UQCR11: variants seen among roughly 807,000 people sequenced by gnomAD.
UQCR11 encodes the protein ubiquinol-cytochrome c reductase, complex III subunit XI, also known as cytochrome b-c1 complex subunit 10.
A neutral mutation model predicts 7.6 loss-of-function variants in UQCR11; 10 were observed. The observed-to-expected ratio is 1.31, with a 90% CI of 0.81 to 2.22. UQCR11 has a LOEUF of 2.22. UQCR11 is among the 30% of genes most tolerant of loss of function. The pLI, the probability that UQCR11 is intolerant of heterozygous loss-of-function variation, is 0.00. For missense variants in UQCR11, 86 were observed against 75.1 expected (o/e 1.15, Z -0.54); for synonymous variants, 34 against 34.9 (o/e 0.97, Z 0.09).
rs770150615 is a variant in UQCR11 at position 1,605,333 on chromosome 19, GA to G, written c.50+26del. ...GGGGCTGGGCCGAGGCGGGAGCGCG[GA>G]TGGGGCCGCGGGTCGGCGTCCTCAC... On this transcript the variant is annotated intron_variant, in intron 1 of 2. Transcript: ENST00000591899. 1.9e-6 allele frequency: 3 copies of G among 1,559,812 alleles called. No homozygotes were observed. In the East Asian group the frequency reaches 7.6e-5, roughly 39 times the overall value.
chr19:1,600,988 G>A (rs1190079976), intron 1 of UQCR11, among the ~76,000 whole-genome samples: 1 of 151,932 alleles, frequency 6.6e-6, no homozygotes, highest in African/African-American at 2.4e-5. Context: ...GGGAAACATG[G>A]TGAAACCCCA....
At chr19:1,600,224 T>C (rs1172717974) in intron 1 of UQCR11, among the ~76,000 whole-genome samples, 1 of 149,382 alleles carries the variant, frequency 6.7e-6, no homozygotes, top group Non-Finnish European at 1.5e-5. Flanking sequence ...TTTTTTTTTT[T>C]TTTTTTTTGA....
rs755134186 is a variant in UQCR11, at chr19:1,599,576, G to A, written c.51-16C>T. Reference sequence around the variant, plus strand: ...CGTCGGGACCCTGCGAGAGGAGAGGGGATGGTCAGGCCTGCTCTGGACCCT... The same window carrying A: ...CGTCGGGACCCTGCGAGAGGAGAGGAGATGGTCAGGCCTGCTCTGGACCCT... On this transcript the variant is annotated splice_polypyrimidine_tract_variant and intron_variant, in intron 1 of 2. Coordinates refer to ENST00000591899, the MANE Select transcript of UQCR11 (RefSeq NM_006830.4). The A allele has an allele frequency of 6.2e-6, 10 of 1,605,210 alleles. No individual in the cohort carries two copies. In the East Asian group the frequency reaches 1.1e-4, roughly 18 times the overall value.
chr19:1,603,204 C>A (rs1693461209), intron 1 of UQCR11, among the ~76,000 whole-genome samples: 1 of 152,196 alleles, frequency 6.6e-6, no homozygotes, highest in South Asian at 2.1e-4. Context: ...TTAGGTCAGC[C>A]CCACACCACA....
chr19:1,599,630 G>C, intron 1 of UQCR11, 70 bp from the exon 2 acceptor site: 1 of 1,581,578 alleles, frequency 6.3e-7, no homozygotes, highest in Non-Finnish European at 8.5e-7. Context: ...TGCCCACCCC[G>C]GCCCCCCGTC....
At chr19:1,601,731 C>G (rs893181720) in intron 1 of UQCR11, among the ~76,000 whole-genome samples, 1 of 152,144 alleles carries the variant, frequency 6.6e-6, no homozygotes, top group Non-Finnish European at 1.5e-5. Context: ...GGAGTTGACT[C>G]AGTGCACCCA....
chr19:1,602,559 C>T (rs1413674632), intron 1 of UQCR11: 1 of 152,104 alleles, frequency 6.6e-6, no homozygotes, highest in Non-Finnish European at 1.5e-5. Flanking sequence ...TCAAGTGATT[C>T]TCTTGTCTCA....
Position 1,597,230 on chromosome 19 carries a change from G to A in UQCR11, c.*1014C>T, listed in dbSNP as rs2145618319. 6.6e-6 allele frequency: 1 copy of A among 151,772 alleles called. No individual in the cohort carries two copies. Among genetic ancestry groups the A allele is most frequent in the South Asian group, 2.1e-4 (1 of 4,786 alleles). The allele number at this position is 151,772 out of a possible 1,614,324, so 9.4% of individuals were successfully genotyped here. The stretch of plus-strand genomic sequence containing the variant: ...TTTTTTTCTTTTTATCAGAGACAGG[G>A]GCCTCTTTGTTGCCCAGGTTAGTAC... On this transcript the variant is annotated 3_prime_UTR_variant, in exon 3 of 3. Coordinates refer to ENST00000591899, the MANE Select transcript of UQCR11 (RefSeq NM_006830.4).
chr19:1,599,555 G>C lies in UQCR11; in HGVS notation c.56C>G (p.Pro19Arg). Reference protein sequence around the residue: ...RYRELVKNWVPTAYTWGAVGA... With the variant: ...RYRELVKNWVRTAYTWGAVGA... Reference sequence around the variant, plus strand: ...CACAGCGCCCCATGTGTAGGCCGTCGGGACCCTGCGAGAGGAGAGGGGATG... The same window carrying C: ...CACAGCGCCCCATGTGTAGGCCGTCCGGACCCTGCGAGAGGAGAGGGGATG... The change falls in exon 2 of 3, where the codon CCG (proline) becomes CGG (arginine). Residue 19 changes from proline to arginine, a missense_variant. By Grantham distance (103) the Pro-to-Arg change is moderately radical (BLOSUM62 -2). Transcript: ENST00000591899. The C allele has an allele frequency of 6.2e-7, 1 of 1,609,358 alleles. No homozygotes were observed. The highest frequency in any genetic ancestry group is 8.5e-7 in the Non-Finnish European group (1 of 1,179,962).
intron 1 of UQCR11, among the ~76,000 whole-genome samples, chr19:1,604,824 C>G (rs2060757157): frequency 6.6e-6 from 1 of 152,268 alleles, no homozygotes; most frequent in Admixed American, 6.5e-5. Flanking sequence ...CCACCGCACC[C>G]AGCCAGGCCT....
chr19:1,603,283 C>T (rs1354563224), intron 1 of UQCR11, among the ~76,000 whole-genome samples: 4 of 152,316 alleles, frequency 2.6e-5, no homozygotes, highest in East Asian at 1.9e-4. Context: ...GGTCTATTGG[C>T]GCGTCCCTAA....
At chr19:1,598,489 C>T (rs1028302633) in intron 2 of UQCR11, among the ~76,000 whole-genome samples, 11 of 151,124 alleles carry the variant, frequency 7.3e-5, no homozygotes, top group Non-Finnish European at 1.3e-4. Flanking sequence ...GGTTGCAGTG[C>T]GCCAAGATCG....
chr19:1,600,215 T>C lies in UQCR11; in HGVS notation c.51-655A>G, dbSNP rs531744014. On this transcript the variant is annotated intron_variant, in intron 1 of 2. Transcript: ENST00000591899. ...TGAACTTGGGCACAGGCTTCTTTTTTTTTTTTTTTTTTTTTTTGAGACGGA... is the reference window on the plus strand; with the variant it reads ...TGAACTTGGGCACAGGCTTCTTTTTCTTTTTTTTTTTTTTTTTGAGACGGA... Among the ~76,000 whole-genome samples the C allele has an allele frequency of 1.5e-4, 22 of 147,592 alleles. No individual in the cohort carries two copies. In the South Asian group the frequency reaches 2.8e-3, roughly 19 times the overall value.
chr19:1,605,239 C>T, intron 1 of UQCR11, 121 bp downstream of exon 1: 1 of 1,228,294 alleles, frequency 8.1e-7, no homozygotes, highest in Non-Finnish European at 1.1e-6. Context: ...TCACCGGGAA[C>T]AACAAGGGAC....
At chr19:1,604,499 C>T (rs545022622) in intron 1 of UQCR11, among the ~76,000 whole-genome samples, 32 of 152,310 alleles carry the variant, frequency 2.1e-4, no homozygotes, top group African/African-American at 7.0e-4. Context: ...GCCGGAGCCA[C>T]TGCACCCGGC....
intron 1 of UQCR11, among the ~76,000 whole-genome samples, chr19:1,604,029 T>C (rs1946593274): frequency 6.6e-6 from 1 of 152,058 alleles, no homozygotes; most frequent in Admixed American, 6.6e-5. Context: ...CACCACAACC[T>C]CCACCTCCCG....
Position 1,599,527 on chromosome 19 carries a change from G to A in UQCR11, c.84C>T (p.Gly28=), listed in dbSNP as rs770259379. 6 of 1,612,464 alleles carry A rather than the reference G, an allele frequency of 3.7e-6. No homozygotes were observed. The highest frequency in any genetic ancestry group is 1.1e-5 in the South Asian group (1 of 91,094). The stretch of plus-strand genomic sequence containing the variant: ...CGGTGGCCCACACCAGCCCCACGGC[G>A]CCCACAGCGCCCCATGTGTAGGCCG... The part of the protein sequence containing the change: ...VPTAYTWGAV[G]AVGLVWATDW... Residue 28 remains glycine, a synonymous_variant, in exon 2 of 3, where the codon GGC becomes GGT. Transcript: ENST00000591899.
chr19:1,603,444 A>G (rs927896352), intron 1 of UQCR11, among the ~76,000 whole-genome samples: 2 of 152,128 alleles, frequency 1.3e-5, no homozygotes, highest in Non-Finnish European at 2.9e-5. Flanking sequence ...CCACTAAAAA[A>G]TACAAAAAAA....
At chr19:1,599,006 G>A (rs2145619383) in intron 2 of UQCR11, 1 of 178,878 alleles carries the variant, frequency 5.6e-6, no homozygotes, top group East Asian at 1.7e-4. Context: ...GAAACACGTG[G>A]ATGCGTCCAG....
Sources: allele counts gnomAD v4.1 joint callset (sites outside exome capture counted in the v4.1 genomes callset), GRCh38; gene constraint gnomAD v4.1.1; transcripts MANE v1.5; gene names NCBI Gene and HGNC (gene_info 2026-07-23, HGNC 2026-07-21).